The following NAT1 variants were observed in gnomAD, a reference collection of about 807,000 sequenced individuals.
NAT1 encodes the protein N-acetyltransferase 1.
For missense variants in NAT1, 400 were observed against 339.2 expected (o/e 1.18, Z -1.41); for synonymous variants, 144 against 122.6 (o/e 1.17, Z -1.16).
intron 2 of NAT1, among the ~76,000 whole-genome samples, chr8:18,190,493 C>G (rs1257606474): frequency 6.6e-6 from 1 of 152,238 alleles, no homozygotes; most frequent in African/African-American, 2.4e-5. Context: ...CATTCATTTT[C>G]ATGTTTATTA....
chr8:18,188,622 A>G (rs1802840967), intron 2 of NAT1, among the ~76,000 whole-genome samples: 1 of 152,120 alleles, frequency 6.6e-6, no homozygotes, highest in Non-Finnish European at 1.5e-5. Context: ...ATAAAGTAAA[A>G]AATAGTGGCT....
rs1348247485 is a variant in NAT1, at chr8:18,222,764, C to T, written c.717C>T (p.Leu239=). The T allele has an allele frequency of 6.2e-7, 1 of 1,613,656 alleles. No homozygotes were observed. Among genetic ancestry groups the T allele is most frequent in the Admixed American group, 1.7e-5 (1 of 59,906 alleles). ...DGVHCLVGFT[L]THRRFNYKDN... ...TTCACTGTTTGGTGGGCTTCACCCT[C>T]ACCCATAGGAGATTCAATTATAAGG... Residue 239 remains leucine, a synonymous_variant, in exon 3 of 3, where the codon CTC becomes CTT. Coordinates refer to ENST00000307719, the MANE Select transcript of NAT1 (RefSeq NM_000662.8).
At chr8:18,173,411 T>TA (rs1391022977) in intron 2 of NAT1, among the ~76,000 whole-genome samples, 2 of 152,246 alleles carry the variant, frequency 1.3e-5, no homozygotes, top group Non-Finnish European at 2.9e-5. Flanking sequence ...TCCTGTTTAT[T>TA]AAAAAACCTC....
chr8:18,201,660 G>A (rs1204363502), intron 2 of NAT1, among the ~76,000 whole-genome samples: 1 of 152,232 alleles, frequency 6.6e-6, no homozygotes, highest in African/African-American at 2.4e-5. Flanking sequence ...TGGGCTGACT[G>A]GCATTGGGTT....
chr8:18,216,727 T>C (rs1254082044), intron 1 of NAT1: 2 of 560,578 alleles, frequency 3.6e-6, no homozygotes, highest in Non-Finnish European at 6.3e-6. Flanking sequence ...ATAGTAATAT[T>C]GGGAGAAGAT....
At chr8:18,184,364 G>A (rs957119850) in intron 2 of NAT1, among the ~76,000 whole-genome samples, 1 of 152,178 alleles carries the variant, frequency 6.6e-6, no homozygotes, top group African/African-American at 2.4e-5. Context: ...GGCGCCCTGG[G>A]CCCATCATCC....
At chr8:18,175,699 T>G (rs930976249) in intron 2 of NAT1, among the ~76,000 whole-genome samples, 1 of 152,112 alleles carries the variant, frequency 6.6e-6, no homozygotes, top group Admixed American at 6.6e-5. Flanking sequence ...CTCTTCAACA[T>G]ACCAACTTCA....
intron 1 of NAT1, among the ~76,000 whole-genome samples, chr8:18,214,410 A>C (rs1387186234): frequency 6.6e-6 from 1 of 152,216 alleles, no homozygotes; most frequent in Non-Finnish European, 1.5e-5. Context: ...TATTTGGAGC[A>C]AACTCTTTCC....
At chr8:18,214,662 T>C (rs1804450393) in intron 1 of NAT1, among the ~76,000 whole-genome samples, 2 of 152,242 alleles carry the variant, frequency 1.3e-5, no homozygotes, top group Non-Finnish European at 2.9e-5. Flanking sequence ...TTCTTCATCA[T>C]TTCAGGAAAA....
At chr8:18,214,108 C>T (rs1307709031) in intron 1 of NAT1, among the ~76,000 whole-genome samples, 4 of 152,156 alleles carry the variant, frequency 2.6e-5, no homozygotes, top group African/African-American at 7.2e-5. Context: ...CAACCGTGCC[C>T]GGCCCTAACG....
intron 1 of NAT1, chr8:18,211,330 G>A (rs1031296047): frequency 1.3e-5 from 2 of 152,194 alleles, no homozygotes; most frequent in African/African-American, 4.8e-5. Context: ...CTGACATGAG[G>A]CCCACTACAA....
At chr8:18,190,047 C>G (rs1254285637) in intron 2 of NAT1, among the ~76,000 whole-genome samples, 5 of 152,190 alleles carry the variant, frequency 3.3e-5, no homozygotes, top group African/African-American at 1.2e-4. Flanking sequence ...ACCTTGGCCT[C>G]CCAAAGTGCT....
chr8:18,220,746 C>A (rs779500549), intron 2 of NAT1, among the ~76,000 whole-genome samples: 7 of 152,046 alleles, frequency 4.6e-5, no homozygotes, highest in Non-Finnish European at 7.4e-5. Flanking sequence ...TTCTACTCAC[C>A]AATAGCTTTG....
intron 2 of NAT1, among the ~76,000 whole-genome samples, chr8:18,185,104 G>A (rs934623299): frequency 2.7e-5 from 4 of 149,850 alleles, no homozygotes; most frequent in African/African-American, 1.0e-4. Flanking sequence ...AGTTTCAGGA[G>A]TGATTGTTCT....
chr8:18,219,130 G>A (rs1030523972), intron 1 of NAT1, among the ~76,000 whole-genome samples: 10 of 152,078 alleles, frequency 6.6e-5, no homozygotes, highest in African/African-American at 2.4e-4. Flanking sequence ...TTCATCAGCT[G>A]GTGGGTTGCC....
intron 2 of NAT1, among the ~76,000 whole-genome samples, chr8:18,191,081 G>C (rs1462262267): frequency 6.6e-6 from 1 of 151,064 alleles, no homozygotes; most frequent in Non-Finnish European, 1.5e-5. Flanking sequence ...AGAAAAAAAA[G>C]AAAAAAAAGA....
intron 1 of NAT1, among the ~76,000 whole-genome samples, chr8:18,216,028 T>C (rs891260633): frequency 5.3e-5 from 8 of 149,610 alleles, no homozygotes; most frequent in Non-Finnish European, 8.9e-5. Flanking sequence ...GTAGGGAAAA[T>C]AGTGATTCAT....
At chr8:18,187,623 G>T (rs1260223950) in intron 2 of NAT1, among the ~76,000 whole-genome samples, 2 of 152,076 alleles carry the variant, frequency 1.3e-5, no homozygotes, top group Admixed American at 1.3e-4. Context: ...AAATACAGCT[G>T]TTCCCACTTA....
chr8:18,173,132 G>T (rs1019145536), intron 2 of NAT1, among the ~76,000 whole-genome samples: 1 of 142,420 alleles, frequency 7.0e-6, no homozygotes, highest in East Asian at 2.0e-4. Context: ...TAGAGCACAC[G>T]TGCACACAGA....
Sources: allele counts gnomAD v4.1 joint callset (sites outside exome capture counted in the v4.1 genomes callset), GRCh38; gene constraint gnomAD v4.1.1; transcripts MANE v1.5; gene names NCBI Gene and HGNC (gene_info 2026-07-23, HGNC 2026-07-21).